Variants in PPP4R2 observed in about 807,000 individuals in gnomAD.
PPP4R2 encodes protein phosphatase 4 regulatory subunit 2.
Under a neutral mutation model 47.2 loss-of-function variants are expected in PPP4R2, and 13 were observed. The ratio of observed to expected loss-of-function variants is 0.28; its 90% CI spans 0.18 to 0.44. The LOEUF is 0.44. PPP4R2 is among the 20% of genes least tolerant of loss of function. The pLI is 1.00. For synonymous variants in PPP4R2, 151 were observed against 163.3 expected (o/e 0.92, Z 0.57); for missense variants, 421 against 491.2 (o/e 0.86, Z 1.35).
At chr3:73,050,157 G>T (rs1702581809) in intron 3 of PPP4R2, among the ~76,000 whole-genome samples, 1 of 152,028 alleles carries the variant, frequency 6.6e-6, no homozygotes, top group Non-Finnish European at 1.5e-5. Flanking sequence ...TAGAGACGGG[G>T]TTTTACCATG....
intron 2 of PPP4R2, among the ~76,000 whole-genome samples, chr3:73,043,951 G>A (rs1702432116): frequency 6.6e-6 from 1 of 152,132 alleles, no homozygotes; most frequent in Non-Finnish European, 1.5e-5. Context: ...ACTCTAAATT[G>A]ACTATTCTTG....
chr3:73,065,574 C>T lies in PPP4R2; in HGVS notation c.1106C>T (p.Pro369Leu). 6.2e-7 allele frequency: 1 copy of T among 1,613,476 alleles called. No individual in the cohort carries two copies. ...TCTGAAGGTAGTGAAAACGAAGGCC[C>T]TGTAAGTAGTAGTTCTTCTGACTGC... The part of the protein sequence containing the change: ...LHSEGSENEG[P>L]VSSSSSDCRE... The change falls in exon 9 of 9, where the codon CCT becomes CTT. Residue 369 changes from proline (P) to leucine (L), a missense_variant. Coordinates refer to ENST00000356692, the MANE Select transcript of PPP4R2 (RefSeq NM_174907.4).
At chr3:73,064,796 A>T in intron 7 of PPP4R2, 56 bp from the exon 8 acceptor site, 2 of 1,390,898 alleles carry the variant, frequency 1.4e-6, no homozygotes, top group Non-Finnish European at 2.0e-6. Flanking sequence ...AAAAATGGGG[A>T]TGTAGAAGAT....
At chr3:73,052,957 GATTGTAGA>G (rs1328452831) in intron 3 of PPP4R2, among the ~76,000 whole-genome samples, 1 of 152,216 alleles carries the variant, frequency 6.6e-6, no homozygotes, top group African/African-American at 2.4e-5. Flanking sequence ...CCAAAGTCTG[GATTGTAGA>G]ATAAAACAAC....
intron 2 of PPP4R2, among the ~76,000 whole-genome samples, chr3:73,000,655 A>C (rs1460637494): frequency 6.6e-6 from 1 of 152,234 alleles, no homozygotes; most frequent in Non-Finnish European, 1.5e-5. Flanking sequence ...AAAGATGCCA[A>C]GACATACTAA....
chr3:73,029,574 A>AGG lies in PPP4R2; in HGVS notation c.117-17612_117-17611insGG, dbSNP rs576062675. On this transcript the variant is annotated intron_variant, in intron 2 of 8. Coordinates refer to ENST00000356692, the MANE Select transcript of PPP4R2 (RefSeq NM_174907.4). ...GAATTTCATCACATCTGAGAGGTGA[A>AGG]AGGCTGTAGGAGGAGCAATATGTGG... Among the ~76,000 whole-genome samples, 13 of 151,984 alleles carry AGG rather than the reference A, an allele frequency of 8.6e-5. 2 individuals are homozygous for AGG. Among genetic ancestry groups the AGG allele is most frequent in the Admixed American group, 3.9e-4 (6 of 15,288 alleles).
intron 3 of PPP4R2, among the ~76,000 whole-genome samples, chr3:73,051,341 A>G (rs763447213): frequency 2.0e-5 from 3 of 152,208 alleles, no homozygotes; most frequent in Non-Finnish European, 4.4e-5. Context: ...TTCTTTTGTA[A>G]TAAGTGCAGA....
At chr3:73,027,644 T>A (rs1702090949) in intron 2 of PPP4R2, among the ~76,000 whole-genome samples, 1 of 146,852 alleles carries the variant, frequency 6.8e-6, no homozygotes, top group Admixed American at 7.0e-5. Context: ...ATGAATAAAT[T>A]CTTGGTACTT....
At chr3:73,005,368 C>T (rs1365272485) in intron 2 of PPP4R2, among the ~76,000 whole-genome samples, 1 of 148,900 alleles carries the variant, frequency 6.7e-6, no homozygotes, top group Non-Finnish European at 1.5e-5. Flanking sequence ...CTTATCTACA[C>T]ACTGGTGGTG....
chr3:73,065,814 T>A lies in PPP4R2; in HGVS notation c.*92T>A, dbSNP rs1702983514. ...TGTGTAATAAAATGGACCTTTAGTT[T>A]TACAAGAGAAGCAGGTTGTAAAATA... On this transcript the variant is annotated 3_prime_UTR_variant, in exon 9 of 9. Transcript: ENST00000356692. The A allele has an allele frequency of 2.5e-6, 2 of 809,786 alleles. No homozygotes were observed. The highest frequency in any genetic ancestry group is 3.5e-5 in the African/African-American group (2 of 57,458). 50.2% of individuals were successfully genotyped at this position (809,786 alleles called of 1,614,324 possible). A position where few individuals can be genotyped will look rare whatever the true frequency, so the allele number is the denominator to read the frequency against.
intron 2 of PPP4R2, among the ~76,000 whole-genome samples, chr3:73,041,681 C>T (rs1204466074): frequency 6.6e-6 from 1 of 152,194 alleles, no homozygotes; most frequent in African/African-American, 2.4e-5. Context: ...TTGTTGTGCT[C>T]TTAGTGTTCC....
At chr3:72,997,619 A>G (rs1701377680) in intron 1 of PPP4R2, among the ~76,000 whole-genome samples, 1 of 152,046 alleles carries the variant, frequency 6.6e-6, no homozygotes, top group African/African-American at 2.4e-5. Context: ...TGGCTTACAA[A>G]CTTCGAGTAG....
intron 2 of PPP4R2, among the ~76,000 whole-genome samples, chr3:73,018,860 A>G (rs1023733363): frequency 6.6e-6 from 1 of 152,188 alleles, no homozygotes; most frequent in African/African-American, 2.4e-5. Context: ...CCTTTTCTCA[A>G]TAAAAACTGC....
At chr3:73,062,973 A>G in intron 5 of PPP4R2, 1 of 1,306,452 alleles carries the variant, frequency 7.7e-7, no homozygotes, top group Admixed American at 2.1e-5. Context: ...GGATGGCTCC[A>G]TTGCTCTACG....
At chr3:73,022,167 G>A (rs1190592401) in intron 2 of PPP4R2, among the ~76,000 whole-genome samples, 4 of 152,034 alleles carry the variant, frequency 2.6e-5, no homozygotes, top group Non-Finnish European at 4.4e-5. Context: ...AAAGTGCTGT[G>A]ATTACAGGCA....
At chr3:73,061,355 G>A (rs1006051239) in intron 5 of PPP4R2, 18 of 183,370 alleles carry the variant, frequency 9.8e-5, no homozygotes, top group African/African-American at 3.7e-4. Flanking sequence ...CATTCTAGAT[G>A]CCTTTCCAGG....
chr3:73,019,049 G>A (rs1362638132), intron 2 of PPP4R2, among the ~76,000 whole-genome samples: 1 of 152,138 alleles, frequency 6.6e-6, no homozygotes, highest in Non-Finnish European at 1.5e-5. Flanking sequence ...TGACATTTTA[G>A]TCATCGATGG....
At chr3:73,015,718 A>G (rs993177337) in intron 2 of PPP4R2, 7 of 365,424 alleles carry the variant, frequency 1.9e-5, no homozygotes, top group East Asian at 1.2e-4. Context: ...GCTCACTGCA[A>G]GCTCCACCCC....
chr3:73,010,810 G>T (rs1701708581), intron 2 of PPP4R2, among the ~76,000 whole-genome samples: 1 of 152,140 alleles, frequency 6.6e-6, no homozygotes, highest in African/African-American at 2.4e-5. Context: ...AGAGTGCTGG[G>T]ATTACAGGCA....
Sources: allele counts gnomAD v4.1 joint callset (sites outside exome capture counted in the v4.1 genomes callset), GRCh38; gene constraint gnomAD v4.1.1; transcripts MANE v1.5; gene names NCBI Gene and HGNC (gene_info 2026-07-23, HGNC 2026-07-21).